The following FAT1 variants were observed in gnomAD, a reference collection of about 807,000 sequenced individuals.
FAT1 encodes the protein FAT atypical cadherin 1, also known as protocadherin Fat 1.
FAT1 carries 171 observed loss-of-function variants against 329.8 expected under a neutral mutation model. The observed-to-expected ratio is 0.52, with a 90% confidence interval of 0.46 to 0.59. The LOEUF is 0.59. Ranked by LOEUF, FAT1 falls within the 20% of genes least tolerant of loss-of-function variation. The probability of loss-of-function intolerance (pLI) is 0.00; values close to 1 mark genes in which losing one functional copy is unlikely to be tolerated. For synonymous variants in FAT1, 2,233 were observed against 2,228.6 expected, an observed-to-expected ratio of 1.00 and a Z score of -0.06; for missense variants, 5,672 against 5,774.4, an observed-to-expected ratio of 0.98 and a Z score of 0.57.
intron 1 of FAT1, among the ~76,000 whole-genome samples, chr4:186,723,388 G>A (rs1266863638): frequency 1.3e-5 from 2 of 152,224 alleles, no homozygotes; most frequent in African/African-American, 4.8e-5. Flanking sequence ...AGGGAAGGCG[G>A]CGTGTCAGAA....
In FAT1 at chr4:186,663,628, GAA is replaced by G; in HGVS notation, c.3266-17_3266-16del. On this transcript the variant is annotated splice_polypyrimidine_tract_variant and intron_variant, in intron 2 of 26. Transcript: ENST00000441802. ...CTCTATGACACCTACAGAGAAAAAA[GAA>G]AAGCGTAAAGCAGCACATCAACGAC... 6.3e-7 allele frequency: 1 copy of G among 1,584,220 alleles called. No individual in the cohort carries two copies. The highest frequency in any genetic ancestry group is 8.6e-7 in the Non-Finnish European group (1 of 1,169,516).
At chr4:186,593,573 CTT>C (rs1278141690) in intron 26 of FAT1, among the ~76,000 whole-genome samples, 2 of 152,128 alleles carry the variant, frequency 1.3e-5, no homozygotes, top group Non-Finnish European at 2.9e-5. Flanking sequence ...ATAAGGGTAA[CTT>C]TTCTGCACAG....
rs564500510 is a variant in FAT1 at position 186,679,271 on chromosome 4, C to G, written c.3266-15658G>C. Among the ~76,000 whole-genome samples the G allele has an allele frequency of 1.6e-3, 248 of 151,790 alleles. 1 individual carries two copies. Among genetic ancestry groups the G allele is most frequent in the African/African-American group, 3.0e-3 (124 of 41,440 alleles). On this transcript the variant is annotated intron_variant, in intron 2 of 26. Transcript: ENST00000441802. ...TAACACTAAAAATACAAAAAAATTA[C>G]CCGGGCGTGGTGGCGGGAGCCTGTA...
In FAT1 at chr4:186,628,487, C is replaced by A; in HGVS notation, c.4599+1G>T. The stretch of plus-strand genomic sequence containing the variant: ...GGGAGGAGAGCGGGTAGAGCGCCTA[C>A]CATGACCGTGAGGGTGTGCTGGTGA... On this transcript the variant is annotated splice_donor_variant, in intron 8 of 26. Coordinates refer to ENST00000441802, the MANE Select transcript of FAT1 (RefSeq NM_005245.4). LOFTEE classifies it high-confidence loss of function. 6.2e-7 allele frequency: 1 copy of A among 1,613,954 alleles called. No individual in the cohort carries two copies. The highest frequency in any genetic ancestry group is 8.5e-7 in the Non-Finnish European group (1 of 1,179,864).
At chr4:186,647,116 T>C (rs1053209696) in intron 3 of FAT1, among the ~76,000 whole-genome samples, 1 of 152,220 alleles carries the variant, frequency 6.6e-6, no homozygotes, top group African/African-American at 2.4e-5. Context: ...GAGAGACATA[T>C]ACGAAAGCCT....
chr4:186,660,745 C>T (rs1369700325), intron 3 of FAT1, among the ~76,000 whole-genome samples: 1 of 152,168 alleles, frequency 6.6e-6, no homozygotes, highest in African/African-American at 2.4e-5. Flanking sequence ...AAGGGAGAGG[C>T]AATGCCATAT....
chr4:186,626,699 T>G (rs664141), intron 9 of FAT1, among the ~76,000 whole-genome samples: 1 of 105,618 alleles, frequency 9.5e-6, no homozygotes, highest in African/African-American at 4.2e-5. Flanking sequence ...GCACATAAAG[T>G]GAGCTTCATC....
intron 7 of FAT1, among the ~76,000 whole-genome samples, chr4:186,633,397 A>T (rs2126555123): frequency 6.6e-6 from 1 of 152,344 alleles, no homozygotes; most frequent in African/African-American, 2.4e-5. Context: ...ACATAGTTTA[A>T]AATGAGTGTA....
At position 186,633,735 on chromosome 4, in the gene FAT1, G is replaced by A. The variant is rs547992156; in HGVS notation, c.4272C>T (p.Asn1424=). 3.7e-6 allele frequency: 6 copies of A among 1,613,964 alleles called. No individual in the cohort carries two copies. The highest frequency in any genetic ancestry group is 3.3e-5 in the Admixed American group (2 of 60,014). ...AKPLDAEQKS[N]YNLTVEATDG... Reference sequence around the variant, plus strand: ...CTGTAGCCTCGACTGTGAGGTTGTAGTTTGACTTCTGTTCTGCATCAAGAG... The same window carrying A: ...CTGTAGCCTCGACTGTGAGGTTGTAATTTGACTTCTGTTCTGCATCAAGAG... The change falls in exon 7 of 27, where the codon AAC becomes AAT. Residue 1424 remains asparagine, a synonymous_variant. Transcript: ENST00000441802.
At position 186,709,334 on chromosome 4, in the gene FAT1, C is replaced by T. The variant is rs770175041; in HGVS notation, c.494G>A (p.Arg165Lys). ...GGCGCTGACTCTTGCGATACTGGTCCTTATAGCTGTGTTTTCAGGTAAAGA... is the reference window on the plus strand; with the variant it reads ...GGCGCTGACTCTTGCGATACTGGTCTTTATAGCTGTGTTTTCAGGTAAAGA... ...SVSLPENTAI[R>K]TSIARVSATD... The change falls in exon 2 of 27, where the codon AGG becomes AAG. Residue 165 changes from arginine (R) to lysine (K), a missense_variant. This residue lies in a region of FAT1 where 3,966 missense variants were observed against 3,915.2 expected (regional missense o/e 1.01). Transcript: ENST00000441802. 2 of 1,613,964 alleles carry T rather than the reference C, an allele frequency of 1.2e-6. No individual in the cohort carries two copies. Among genetic ancestry groups the T allele is most frequent in the East Asian group, 2.2e-5 (1 of 44,870 alleles).
In FAT1 at chr4:186,602,975, C is replaced by T. The variant is rs375766862; in HGVS notation, c.11410G>A (p.Glu3804Lys). 7 of 1,613,840 alleles carry T rather than the reference C, an allele frequency of 4.3e-6. No homozygotes were observed. The highest frequency in any genetic ancestry group is 2.7e-5 in the African/African-American group (2 of 74,900). The change falls in exon 20 of 27, where the codon GAA becomes AAA. Residue 3804 changes from glutamate to lysine, a missense_variant. Physicochemically the swap from Glu to Lys is moderately conservative, Grantham distance 56. Around this residue, in one of 2 missense-constraint regions of FAT1, gnomAD observed 1,706 missense variants for 1,859.1 expected, o/e 0.92. Coordinates refer to ENST00000441802, the MANE Select transcript of FAT1 (RefSeq NM_005245.4). Reference sequence around the variant, plus strand: ...TCCTCCCAGGGATCAGACACACATTCGGATCCCTCAGGGCACGGATCATCT... The same window carrying T: ...TCCTCCCAGGGATCAGACACACATTTGGATCCCTCAGGGCACGGATCATCT... ...CEDDPCPEGSECVSDPWEEKH... is the reference protein window; with the variant it reads ...CEDDPCPEGSKCVSDPWEEKH...
chr4:186,636,197 T>C lies in FAT1; in HGVS notation c.4011A>G (p.Ser1337=). 6.2e-7 allele frequency: 1 copy of C among 1,614,048 alleles called. No homozygotes were observed. Among genetic ancestry groups the C allele is most frequent in the Non-Finnish European group, 8.5e-7 (1 of 1,179,890 alleles). ...TCCATTCAATATGGAGTCTGGTGGTTGATGACTTTTGAGGGCGACCATTGT... is the reference window on the plus strand; with the variant it reads ...TCCATTCAATATGGAGTCTGGTGGTCGATGACTTTTGAGGGCGACCATTGT... ...AVDNGRPQKS[S]TTRLHIEWIS... is the part of the protein sequence containing the mutation. The change falls in exon 6 of 27, where the codon TCA becomes TCG. Residue 1337 remains serine (S), a synonymous_variant. Coordinates refer to ENST00000441802, the MANE Select transcript of FAT1 (RefSeq NM_005245.4).
intron 14 of FAT1, 155 bp from the exon 15 acceptor site, chr4:186,610,170 T>A: frequency 1.7e-6 from 1 of 588,954 alleles, no homozygotes; most frequent in South Asian, 2.1e-5. Context: ...AATTCAACAA[T>A]TAAAAACTAT....
intron 2 of FAT1, 74 bp downstream of exon 2, chr4:186,706,489 C>G: frequency 6.8e-7 from 1 of 1,460,116 alleles, no homozygotes; most frequent in Non-Finnish European, 9.2e-7. Flanking sequence ...GAAGAAGCTG[C>G]CACAGGGCAG....
rs749728510 is a variant in FAT1 at position 186,611,414 on chromosome 4, A to G, written c.9825T>C (p.His3275=). The stretch of plus-strand genomic sequence containing the variant: ...TTTTAGAATCTATGCTGAATTTCCC[A>G]TGTTCATTTCCACTTATTATTGAGT... The part of the protein sequence containing the change: ...ITYSIISGNE[H]GKFSIDSKTG... Residue 3275 remains histidine (H), a synonymous_variant, in exon 14 of 27, where the codon CAT becomes CAC. Coordinates refer to ENST00000441802, the MANE Select transcript of FAT1 (RefSeq NM_005245.4). The G allele has an allele frequency of 1.2e-6, 2 of 1,613,100 alleles. No homozygotes were observed. Among genetic ancestry groups the G allele is most frequent in the South Asian group, 1.1e-5 (1 of 90,934 alleles).
chr4:186,636,711 G>A lies in FAT1; in HGVS notation c.3846C>T (p.Gly1282=), dbSNP rs1412278321. 6 of 1,613,712 alleles carry A rather than the reference G, an allele frequency of 3.7e-6. No homozygotes were observed. In the African/African-American group the frequency reaches 6.7e-5, roughly 18 times the overall value. The change falls in exon 5 of 27, where the codon GGC becomes GGT. Residue 1282 remains glycine, a synonymous_variant. Transcript: ENST00000441802. ...TGCTGTAGGAGATTTCTGCATTGGG[G>A]CCCTCATCCTTGTCGGTGGCTATGA... ...YHVIATDKDE[G]PNAEISYSIE...
At chr4:186,639,650 A>G (rs1741002845) in intron 4 of FAT1, 72 bp downstream of exon 4, 2 of 1,033,262 alleles carry the variant, frequency 1.9e-6, no homozygotes, top group Non-Finnish European at 3.0e-6. Flanking sequence ...GGTTAATGGG[A>G]ACAAGATTGT....
intron 3 of FAT1, among the ~76,000 whole-genome samples, chr4:186,653,338 T>C (rs1227888284): frequency 6.6e-6 from 1 of 152,200 alleles, no homozygotes; most frequent in Non-Finnish European, 1.5e-5. Flanking sequence ...TGCAAAATCG[T>C]ATCTGAGATC....
rs537951508 is a variant in FAT1, at chr4:186,709,229, G to T, written c.599C>A (p.Thr200Asn). 34 of 1,613,996 alleles carry T rather than the reference G, an allele frequency of 2.1e-5. No homozygotes were observed. In the South Asian group the frequency reaches 3.7e-4, roughly 18 times the overall value. ...ACCAGTTAACACTATCACACCACTG[G>T]TTGGGTGAATAGCAAACATATCTGT... ...DRTDMFAIHP[T>N]SGVIVLTGRL... Residue 200 changes from threonine (T) to asparagine (N), a missense_variant, in exon 2 of 27, where the codon ACC (threonine) becomes AAC (asparagine). Physicochemically the swap from Thr to Asn is moderately conservative, Grantham distance 65 (BLOSUM62 0). This residue lies in a region of FAT1 where 3,966 missense variants were observed against 3,915.2 expected (regional missense o/e 1.01). Transcript: ENST00000441802.
Sources: gnomAD v4.1 joint callset for allele counts (sites outside exome capture counted in the v4.1 genomes callset) on GRCh38, gnomAD v4.1.1 for gene constraint, gnomAD v4.1.1 regional missense constraint, MANE v1.5 for transcripts, NCBI Gene and HGNC (gene_info 2026-07-23, HGNC 2026-07-21) for gene names.